NAALADL2: variants seen among roughly 807,000 people sequenced by gnomAD.
NAALADL2 encodes the protein inactive N-acetylated-alpha-linked acidic dipeptidase-like protein 2.
Under a neutral mutation model 87.2 loss-of-function variants are expected in NAALADL2, and 76 were observed. The ratio of observed to expected loss-of-function variants is 0.87; its 90% CI spans 0.72 to 1.05. The LOEUF is 1.05. Among genes scored for constraint, NAALADL2 ranks in the 50% least tolerant of loss-of-function variants. The probability of loss-of-function intolerance (pLI) is 0.00; values close to 1 mark genes in which losing one functional copy is unlikely to be tolerated. For synonymous variants in NAALADL2, 354 were observed against 331.0 expected, an observed-to-expected ratio of 1.07 and a Z score of -0.75; for missense variants, 1,089 against 945.8, an observed-to-expected ratio of 1.15 and a Z score of -1.99.
At chr3:175,255,031 C>T (rs1749685598) in intron 3 of NAALADL2, among the ~76,000 whole-genome samples, 1 of 152,130 alleles carries the variant, frequency 6.6e-6, no homozygotes, top group African/African-American at 2.4e-5. Flanking sequence ...GGCTCTTCAC[C>T]AAGGAATTTC....
chr3:175,013,316 T>TTTA (rs1750397154), intron 1 of NAALADL2, among the ~76,000 whole-genome samples: 1 of 127,002 alleles, frequency 7.9e-6, no homozygotes, highest in Non-Finnish European at 1.6e-5. Flanking sequence ...TTTTTTTTTT[T>TTTA]GAGACAGGGT....
chr3:174,825,980 T>A (rs1721940017), intron 3 of NAALADL2, among the ~76,000 whole-genome samples: 1 of 152,014 alleles, frequency 6.6e-6, no homozygotes, highest in Non-Finnish European at 1.5e-5. Context: ...TGAGCCGAGA[T>A]GGCGCCACTG....
chr3:175,641,899 A>T (rs1170368619), intron 11 of NAALADL2, among the ~76,000 whole-genome samples: 1 of 152,238 alleles, frequency 6.6e-6, no homozygotes, highest in East Asian at 1.9e-4. Context: ...ATTAGTTACC[A>T]ATACATACCA....
intron 2 of NAALADL2, among the ~76,000 whole-genome samples, chr3:175,226,752 A>G (rs571953632): frequency 1.8e-4 from 27 of 152,282 alleles, no homozygotes; most frequent in South Asian, 4.1e-4. Context: ...TTGGCATGCC[A>G]TTAGTGGCTC....
chr3:175,170,539 T>G, intron 2 of NAALADL2, among the ~76,000 whole-genome samples: 1 of 148,792 alleles, frequency 6.7e-6, no homozygotes, highest in East Asian at 1.9e-4. Flanking sequence ...AGAAGAGAGA[T>G]AAAAGATGTG....
chr3:174,666,061 GTACC>G (rs1725926851), intron 2 of NAALADL2, among the ~76,000 whole-genome samples: 1 of 152,050 alleles, frequency 6.6e-6, no homozygotes, highest in African/African-American at 2.4e-5. Flanking sequence ...ACATTCATAG[GTACC>G]TAGGGTTAGG....
intron 2 of NAALADL2, among the ~76,000 whole-genome samples, chr3:174,614,083 C>T (rs1206193280): frequency 4.6e-5 from 7 of 152,138 alleles, no homozygotes; most frequent in Admixed American, 3.9e-4. Flanking sequence ...TCTTCACTTT[C>T]GCTTTCCTCT....
At chr3:174,640,448 T>C (rs1003242961) in intron 2 of NAALADL2, among the ~76,000 whole-genome samples, 8 of 143,606 alleles carry the variant, frequency 5.6e-5, no homozygotes, top group Non-Finnish European at 7.5e-5. Flanking sequence ...TTATAGAAGA[T>C]TGATCAGTGT....
At chr3:175,577,812 T>C (rs1162273043) in intron 10 of NAALADL2, among the ~76,000 whole-genome samples, 1 of 152,196 alleles carries the variant, frequency 6.6e-6, no homozygotes, top group East Asian at 1.9e-4. Flanking sequence ...ATAATTTTTT[T>C]GAACTCTCTG....
chr3:174,549,914 CT>C (rs1185918236), intron 1 of NAALADL2, among the ~76,000 whole-genome samples: 1 of 151,002 alleles, frequency 6.6e-6, no homozygotes, highest in African/African-American at 2.4e-5. Flanking sequence ...TCCAATGTCT[CT>C]TTTAAAGAAA....
At chr3:174,491,859 T>C (rs1483692718) in intron 1 of NAALADL2, among the ~76,000 whole-genome samples, 1 of 152,154 alleles carries the variant, frequency 6.6e-6, no homozygotes, top group African/African-American at 2.4e-5. Context: ...TCAAGAGAAA[T>C]GAACTTTTTC....
intron 2 of NAALADL2, among the ~76,000 whole-genome samples, chr3:174,561,430 G>C (rs1713605981): frequency 6.6e-6 from 1 of 151,888 alleles, no homozygotes. Flanking sequence ...TCGATCTCCT[G>C]ACCTTGTGAT....
chr3:175,150,198 T>A (rs1310738132), intron 2 of NAALADL2, among the ~76,000 whole-genome samples: 2 of 152,138 alleles, frequency 1.3e-5, no homozygotes, highest in Non-Finnish European at 2.9e-5. Flanking sequence ...CAGATGCAAA[T>A]GTTTTGTTGC....
intron 1 of NAALADL2, among the ~76,000 whole-genome samples, chr3:174,862,147 A>C (rs963293101): frequency 6.6e-6 from 1 of 152,070 alleles, no homozygotes; most frequent in African/African-American, 2.4e-5. Context: ...GCAAATATGA[A>C]TAAAATTGTA....
chr3:175,265,906 A>G (rs570368574), intron 4 of NAALADL2, among the ~76,000 whole-genome samples: 4 of 151,198 alleles, frequency 2.6e-5, no homozygotes, highest in Admixed American at 6.6e-5. Context: ...TATTATCCTC[A>G]TGAATATTCA....
intron 2 of NAALADL2, among the ~76,000 whole-genome samples, chr3:175,185,341 A>AC (rs1737178120): frequency 1.3e-5 from 2 of 152,074 alleles, no homozygotes; most frequent in Non-Finnish European, 2.9e-5. Context: ...TGTATGCAAA[A>AC]TACTTTTAAC....
chr3:175,767,476 G>T (rs1354717868), intron 13 of NAALADL2: 1 of 152,014 alleles, frequency 6.6e-6, no homozygotes, highest in Non-Finnish European at 1.5e-5. Context: ...AGGCAATCTA[G>T]ATATTCAAAT....
intron 3 of NAALADL2, among the ~76,000 whole-genome samples, chr3:174,759,415 A>T (rs1359057692): frequency 2.0e-5 from 3 of 152,174 alleles, no homozygotes; most frequent in Non-Finnish European, 4.4e-5. Flanking sequence ...GATTGATTTG[A>T]ACATGGTGCA....
intron 12 of NAALADL2, among the ~76,000 whole-genome samples, chr3:175,754,252 A>G (rs572133326): frequency 6.6e-6 from 1 of 152,322 alleles, no homozygotes; most frequent in Admixed American, 6.5e-5. Flanking sequence ...CTGAGGCTCA[A>G]TAACTTTACC....
Sources: allele counts gnomAD v4.1 joint callset (sites outside exome capture counted in the v4.1 genomes callset), GRCh38; gene constraint gnomAD v4.1.1; transcripts MANE v1.5; gene names NCBI Gene and HGNC (gene_info 2026-07-23, HGNC 2026-07-21).